The following HIBADH variants were observed in gnomAD, a reference collection of about 807,000 sequenced individuals.
HIBADH encodes 3-hydroxyisobutyrate dehydrogenase, mitochondrial.
HIBADH carries 25 observed loss-of-function variants against 36.1 expected under a neutral mutation model. The observed-to-expected ratio is 0.69, with a 90% CI of 0.50 to 0.97. HIBADH has a LOEUF of 0.97. Among genes scored for constraint, HIBADH ranks in the 50% least tolerant of loss-of-function variants. The pLI, the probability that HIBADH is intolerant of heterozygous loss-of-function variation, is 0.00. For missense variants in HIBADH, 421 were observed against 418.0 expected (o/e 1.01, Z -0.06); for synonymous variants, 160 against 149.5 (o/e 1.07, Z -0.51).
At chr7:27,571,227 T>C (rs1784623588) in intron 4 of HIBADH, among the ~76,000 whole-genome samples, 2 of 60,896 alleles carry the variant, frequency 3.3e-5, no homozygotes, top group South Asian at 8.9e-4. Flanking sequence ...ATCTTTTATT[T>C]TTATTTTTTT....
chr7:27,624,118 T>C (rs1785596637), intron 4 of HIBADH, among the ~76,000 whole-genome samples: 1 of 152,086 alleles, frequency 6.6e-6, no homozygotes, highest in Non-Finnish European at 1.5e-5. Context: ...ATTGTTAAAA[T>C]GACCATATTG....
intron 4 of HIBADH, among the ~76,000 whole-genome samples, chr7:27,565,238 C>T (rs1013859452): frequency 1.3e-5 from 2 of 152,200 alleles, no homozygotes; most frequent in African/African-American, 2.4e-5. Context: ...TACCCTGCCT[C>T]ATCCATTCTT....
intron 4 of HIBADH, among the ~76,000 whole-genome samples, chr7:27,575,808 T>G (rs140196000): frequency 6.6e-6 from 1 of 152,202 alleles, no homozygotes; most frequent in African/African-American, 2.4e-5. Flanking sequence ...GTTTTTATCA[T>G]GTAAGTACGG....
intron 7 of HIBADH, 62 bp downstream of exon 7, chr7:27,531,130 G>C: frequency 6.9e-7 from 1 of 1,447,244 alleles, no homozygotes; most frequent in Non-Finnish European, 9.3e-7. Context: ...GAAAGAGAAG[G>C]AAGGTGTTAT....
intron 4 of HIBADH, among the ~76,000 whole-genome samples, chr7:27,592,567 T>C (rs1784955716): frequency 6.6e-6 from 1 of 152,208 alleles, no homozygotes; most frequent in Admixed American, 6.5e-5. Context: ...GTGAATGTTA[T>C]AGGCTGACTT....
intron 4 of HIBADH, among the ~76,000 whole-genome samples, chr7:27,557,906 C>G (rs1189575774): frequency 1.3e-5 from 2 of 152,192 alleles, no homozygotes; most frequent in East Asian, 1.9e-4. Context: ...TCTTTTAAAA[C>G]CATCTTTACT....
intron 2 of HIBADH, among the ~76,000 whole-genome samples, chr7:27,632,925 A>C (rs1354941219): frequency 6.6e-6 from 1 of 151,938 alleles, no homozygotes; most frequent in African/African-American, 2.4e-5. Flanking sequence ...TCCAGTCTGT[A>C]TTTTCAAGCA....
intron 4 of HIBADH, among the ~76,000 whole-genome samples, chr7:27,606,260 T>C (rs1785227235): frequency 6.6e-6 from 1 of 152,212 alleles, no homozygotes; most frequent in Admixed American, 6.5e-5. Context: ...ATGGTGTGTT[T>C]TGGTGACCTT....
At chr7:27,542,841 GT>G (rs551499292) in intron 5 of HIBADH, 125 bp downstream of exon 5, 282 of 1,074,916 alleles carry the variant, frequency 2.6e-4, no homozygotes, top group Non-Finnish European at 3.3e-4. Context: ...CCAAATAAAT[GT>G]TTTAAAATCT....
At chr7:27,590,782 A>G (rs1228906915) in intron 4 of HIBADH, among the ~76,000 whole-genome samples, 2 of 152,234 alleles carry the variant, frequency 1.3e-5, no homozygotes, top group African/African-American at 2.4e-5. Context: ...TCATAATATT[A>G]GCAAATATTA....
chr7:27,614,383 T>C (rs918241417), intron 4 of HIBADH, among the ~76,000 whole-genome samples: 4 of 152,188 alleles, frequency 2.6e-5, no homozygotes, highest in Non-Finnish European at 5.9e-5. Context: ...AATCTGGAGA[T>C]AACCTGGAGG....
chr7:27,603,083 C>T (rs1283205164), intron 4 of HIBADH, among the ~76,000 whole-genome samples: 2 of 152,112 alleles, frequency 1.3e-5, no homozygotes, highest in Non-Finnish European at 2.9e-5. Context: ...GCCCCCTCAC[C>T]CCTTTTAATT....
intron 4 of HIBADH, among the ~76,000 whole-genome samples, chr7:27,564,496 T>C (rs1485567633): frequency 6.6e-6 from 1 of 152,230 alleles, no homozygotes; most frequent in Non-Finnish European, 1.5e-5. Context: ...AGTCTTATTT[T>C]AAACTCTCTT....
chr7:27,591,980 C>A (rs1299726802), intron 4 of HIBADH, among the ~76,000 whole-genome samples: 1 of 152,180 alleles, frequency 6.6e-6, no homozygotes, highest in Non-Finnish European at 1.5e-5. Context: ...ACCAGAAATG[C>A]CAAAATCCAG....
rs191909081 is a variant in HIBADH, at chr7:27,542,362, A to G, written c.618+605T>C. ...CTCAGAAACAAGCACTTCGAATAAG[A>G]GCAGTTTTAAGGATGATTTCACTAG... is the stretch of plus-strand genomic sequence containing the variant. On this transcript the variant is annotated intron_variant, in intron 5 of 7. Transcript: ENST00000265395. 6.3e-3 allele frequency among the ~76,000 whole-genome samples: 954 copies of G among 151,672 alleles called. 6 individuals are homozygous for G. Among genetic ancestry groups the G allele is most frequent in the Middle Eastern group, 0.017 (5 of 294 alleles).
chr7:27,654,489 G>A (rs531597868), intron 1 of HIBADH, among the ~76,000 whole-genome samples: 1 of 152,012 alleles, frequency 6.6e-6, no homozygotes, highest in African/African-American at 2.4e-5. Flanking sequence ...TATGTAGAAA[G>A]GGAAAAAGAT....
intron 7 of HIBADH, among the ~76,000 whole-genome samples, chr7:27,528,211 C>T (rs1783940376): frequency 6.6e-6 from 1 of 152,072 alleles, no homozygotes; most frequent in South Asian, 2.1e-4. Context: ...ACCCCTCAGG[C>T]CTCCCTATTC....
At chr7:27,564,174 A>G (rs1275862258) in intron 4 of HIBADH, among the ~76,000 whole-genome samples, 1 of 152,150 alleles carries the variant, frequency 6.6e-6, no homozygotes, top group African/African-American at 2.4e-5. Context: ...CTGGGATTAC[A>G]GGCGTGAGCC....
chr7:27,555,778 G>C (rs756232995), intron 4 of HIBADH, among the ~76,000 whole-genome samples: 2 of 152,106 alleles, frequency 1.3e-5, no homozygotes, highest in Non-Finnish European at 2.9e-5. Context: ...TCAAAATCTA[G>C]AGACATGATT....
Sources: allele counts gnomAD v4.1 joint callset (sites outside exome capture counted in the v4.1 genomes callset), GRCh38; gene constraint gnomAD v4.1.1; transcripts MANE v1.5; gene names NCBI Gene and HGNC (gene_info 2026-07-23, HGNC 2026-07-21).